Variants in ZNF407 observed in about 807,000 individuals in gnomAD.
ZNF407 encodes zinc finger protein 407.
ZNF407 carries 17 observed loss-of-function variants against 131.2 expected under a neutral mutation model. The ratio of observed to expected loss-of-function variants is 0.13; its 90% CI spans 0.09 to 0.19. The LOEUF is 0.19. Ranked by LOEUF, ZNF407 falls within the 10% of genes least tolerant of loss-of-function variation. ZNF407 has a pLI of 1.00. For synonymous variants in ZNF407, 1,156 were observed against 1,062.0 expected, an observed-to-expected ratio of 1.09 and a Z score of -1.72; for missense variants, 2,681 against 2,830.6, an observed-to-expected ratio of 0.95 and a Z score of 1.20.
intron 8 of ZNF407, among the ~76,000 whole-genome samples, chr18:75,050,785 G>T (rs1599312241): frequency 1.3e-5 from 2 of 152,272 alleles, no homozygotes; most frequent in East Asian, 3.9e-4. Flanking sequence ...ATAATCTACA[G>T]TAAAGGTAGT....
Position 75,022,546 on chromosome 18 carries a change from G to A in ZNF407, c.5429-40604G>A, listed in dbSNP as rs115885811. On this transcript the variant is annotated intron_variant, in intron 8 of 8. Coordinates refer to ENST00000299687, the MANE Select transcript of ZNF407 (RefSeq NM_017757.3). ...TTGAATTTACTCATAATATTAGAGT[G>A]TACCACCTAAGACTATACGAGTGAA... Among the ~76,000 whole-genome samples, 200 of 152,262 alleles carry A rather than the reference G, an allele frequency of 1.3e-3. 1 individual carries two copies. Among genetic ancestry groups the A allele is most frequent in the African/African-American group, 4.5e-3 (187 of 41,544 alleles).
intron 4 of ZNF407, among the ~76,000 whole-genome samples, chr18:74,810,263 A>C (rs1199474940): frequency 6.6e-6 from 1 of 152,142 alleles, no homozygotes; most frequent in Non-Finnish European, 1.5e-5. Context: ...GGACTGGAGA[A>C]GGCAAGTTGT....
chr18:74,820,880 T>G (rs1970330855), intron 4 of ZNF407, among the ~76,000 whole-genome samples: 3 of 152,074 alleles, frequency 2.0e-5, no homozygotes, highest in Non-Finnish European at 2.9e-5. Context: ...AATCAGGTGG[T>G]TGGAATTGCA....
At chr18:74,996,137 C>T (rs577897000) in intron 8 of ZNF407, among the ~76,000 whole-genome samples, 7 of 152,234 alleles carry the variant, frequency 4.6e-5, no homozygotes, top group African/African-American at 1.7e-4. Flanking sequence ...TGTTAATCAG[C>T]CCGCTGAAAA....
At chr18:74,832,602 T>C (rs141702965) in intron 4 of ZNF407, among the ~76,000 whole-genome samples, 1 of 152,274 alleles carries the variant, frequency 6.6e-6, no homozygotes, top group East Asian at 1.9e-4. Flanking sequence ...CCACTTTAAG[T>C]TGATTTCAAA....
At chr18:74,916,831 G>T (rs1568268683) in intron 7 of ZNF407, among the ~76,000 whole-genome samples, 1 of 151,366 alleles carries the variant, frequency 6.6e-6, no homozygotes, top group Non-Finnish European at 1.5e-5. Context: ...TGGTGAGGTT[G>T]TATGCAGCAT....
intron 8 of ZNF407, among the ~76,000 whole-genome samples, chr18:74,947,157 CT>C (rs1599258384): frequency 6.6e-6 from 1 of 152,068 alleles, no homozygotes; most frequent in Admixed American, 6.6e-5. Context: ...ATTTTTTCTC[CT>C]TTTTATTTGC....
chr18:74,737,680 T>C (rs896924342), intron 3 of ZNF407, among the ~76,000 whole-genome samples: 13 of 152,234 alleles, frequency 8.5e-5, no homozygotes, highest in Admixed American at 4.6e-4. Context: ...GATGCGTGTG[T>C]ATATGCACAT....
chr18:75,053,880 T>G (rs1273382795), intron 8 of ZNF407, among the ~76,000 whole-genome samples: 1 of 152,204 alleles, frequency 6.6e-6, no homozygotes, highest in Admixed American at 6.5e-5. Context: ...TGTCCTCCCC[T>G]TGACTTGCTC....
intron 3 of ZNF407, among the ~76,000 whole-genome samples, chr18:74,655,494 G>T (rs932564071): frequency 1.2e-4 from 18 of 151,954 alleles, no homozygotes; most frequent in African/African-American, 4.3e-4. Context: ...TCACTTGCAC[G>T]CATAGCATGG....
At chr18:74,767,199 A>G (rs1037864638) in intron 3 of ZNF407, among the ~76,000 whole-genome samples, 21 of 152,200 alleles carry the variant, frequency 1.4e-4, no homozygotes, top group South Asian at 2.1e-4. Context: ...GGTGTGAGCT[A>G]CCGTGCCTGG....
At chr18:74,763,744 C>G (rs1487139682) in intron 3 of ZNF407, among the ~76,000 whole-genome samples, 1 of 115,592 alleles carries the variant, frequency 8.7e-6, no homozygotes, top group Non-Finnish European at 1.6e-5. Context: ...GAGTCTCGCT[C>G]TGTCGCCCAG....
intron 3 of ZNF407, among the ~76,000 whole-genome samples, chr18:74,752,181 G>A (rs1478546682): frequency 3.3e-5 from 5 of 152,038 alleles, no homozygotes; most frequent in African/African-American, 9.7e-5. Context: ...TTTTTGAGAC[G>A]TTTCTCTTCA....
chr18:75,021,722 C>T (rs1973112656), intron 8 of ZNF407, among the ~76,000 whole-genome samples: 1 of 151,880 alleles, frequency 6.6e-6, no homozygotes, highest in African/African-American at 2.4e-5. Flanking sequence ...AAAGTTGATG[C>T]ACTAAAGAGT....
intron 8 of ZNF407, among the ~76,000 whole-genome samples, chr18:74,982,517 A>G (rs1307518915): frequency 2.0e-5 from 3 of 152,222 alleles, no homozygotes; most frequent in Admixed American, 2.0e-4. Flanking sequence ...AGTTCACCAC[A>G]ATCATTGGAA....
intron 8 of ZNF407, among the ~76,000 whole-genome samples, chr18:75,008,580 A>T (rs993356756): frequency 1.3e-5 from 2 of 152,220 alleles, no homozygotes; most frequent in Non-Finnish European, 1.5e-5. Context: ...AGCTCTAATG[A>T]TTACTAGTGA....
intron 7 of ZNF407, among the ~76,000 whole-genome samples, chr18:74,911,972 C>T (rs573274861): frequency 3.9e-5 from 6 of 152,230 alleles, no homozygotes; most frequent in Admixed American, 6.5e-5. Context: ...CCATGCCTGA[C>T]ATCATAACAG....
chr18:74,663,902 G>A (rs515950), intron 3 of ZNF407, among the ~76,000 whole-genome samples: 150,293 of 152,318 alleles, frequency 0.99, 74,179 homozygotes, highest in Middle Eastern at 1. Flanking sequence ...CTACGGCCTG[G>A]ACCCGGAAGG....
chr18:75,053,073 C>T (rs969539701), intron 8 of ZNF407, among the ~76,000 whole-genome samples: 1 of 152,196 alleles, frequency 6.6e-6, no homozygotes, highest in African/African-American at 2.4e-5. Flanking sequence ...TAATTGGCCC[C>T]AGCCCCATGA....
Sources: allele counts gnomAD v4.1 joint callset (sites outside exome capture counted in the v4.1 genomes callset), GRCh38; gene constraint gnomAD v4.1.1; transcripts MANE v1.5; gene names NCBI Gene and HGNC (gene_info 2026-07-23, HGNC 2026-07-21).